The following NRG1 variants were observed in gnomAD, a reference collection of about 807,000 sequenced individuals.
The protein encoded by NRG1 is pro-neuregulin-1, membrane-bound isoform.
NRG1 carries 18 observed loss-of-function variants against 63.8 expected under a neutral mutation model. That is an observed-to-expected ratio of 0.28 (90% CI 0.19 to 0.42). The LOEUF is 0.42. Ranked by LOEUF, NRG1 falls within the 10% of genes least tolerant of loss-of-function variation. The pLI, the probability that NRG1 is intolerant of heterozygous loss-of-function variation, is 1.00. For synonymous variants in NRG1, 302 were observed against 301.3 expected, an observed-to-expected ratio of 1.00 and a Z score of -0.02; for missense variants, 762 against 814.7, an observed-to-expected ratio of 0.94 and a Z score of 0.79.
rs183930387 is a variant in NRG1 at position 32,615,007 on chromosome 8, A to G, written c.451+443A>G. ...GTGGATCGCTAAACTTAACAAAACA[A>G]AACAGAACAGAACAGAACAAAACAA... On this transcript the variant is annotated intron_variant, in intron 4 of 11. Coordinates refer to ENST00000356819, the Ensembl canonical transcript of NRG1. Among the ~76,000 whole-genome samples, 210 of 148,786 alleles carry G rather than the reference A, an allele frequency of 1.4e-3. 1 individual carries two copies. Among genetic ancestry groups the G allele is most frequent in the African/African-American group, 5.0e-3 (199 of 39,918 alleles).
chr8:31,884,025 T>G (rs1830543882), intron 1 of NRG1, among the ~76,000 whole-genome samples: 1 of 152,090 alleles, frequency 6.6e-6, no homozygotes, highest in South Asian at 2.1e-4. Flanking sequence ...AGTTGATCAG[T>G]AAATGTTTTG....
At chr8:32,093,011 T>A (rs1418122351) in intron 1 of NRG1, among the ~76,000 whole-genome samples, 1 of 152,164 alleles carries the variant, frequency 6.6e-6, no homozygotes, top group Non-Finnish European at 1.5e-5. Context: ...CAGGAATCTG[T>A]TTAACAAAAG....
chr8:32,702,917 C>T (rs1468516394), intron 5 of NRG1, among the ~76,000 whole-genome samples: 2 of 151,972 alleles, frequency 1.3e-5, no homozygotes, highest in Non-Finnish European at 2.9e-5. Context: ...TTCACTCTTC[C>T]TTCTCTCTAA....
chr8:32,766,969 G>A (rs1831479415), exon 12 of NRG1: 1 of 152,186 alleles, frequency 6.6e-6, no homozygotes, highest in Admixed American at 6.5e-5. Flanking sequence ...CATATGGAAA[G>A]CTATCTTAGG....
At chr8:32,572,127 A>G (rs1838718452) in intron 1 of NRG1, among the ~76,000 whole-genome samples, 1 of 151,798 alleles carries the variant, frequency 6.6e-6, no homozygotes, top group Admixed American at 6.6e-5. Flanking sequence ...TATTATTCTC[A>G]TTTCCTGTTT....
At chr8:32,559,083 G>GAAAAAAAAA (rs35947086) in intron 1 of NRG1, among the ~76,000 whole-genome samples, 1 of 86,802 alleles carries the variant, frequency 1.2e-5, no homozygotes. Flanking sequence ...TTGTCTCAGC[G>GAAAAAAAAA]AAAAAAAAAA....
chr8:31,726,411 T>A (rs1273550386), intron 1 of NRG1, among the ~76,000 whole-genome samples: 1 of 152,160 alleles, frequency 6.6e-6, no homozygotes, highest in African/African-American at 2.4e-5. Context: ...GCTCTTTTAA[T>A]AGTAATAAAA....
At chr8:32,236,077 A>G (rs1055697903) in intron 1 of NRG1, among the ~76,000 whole-genome samples, 3 of 152,090 alleles carry the variant, frequency 2.0e-5, no homozygotes, top group African/African-American at 7.2e-5. Context: ...GTCTACTATC[A>G]GAATCCTGTT....
At chr8:31,712,255 C>CTTTTTGTTTTTT (rs1811841828) in intron 1 of NRG1, among the ~76,000 whole-genome samples, 1 of 72,354 alleles carries the variant, frequency 1.4e-5, no homozygotes, top group Non-Finnish European at 2.5e-5. Context: ...TCTTCATGAT[C>CTTTTTGTTTTTT]TTTTTTTTTT....
intron 1 of NRG1, among the ~76,000 whole-genome samples, chr8:31,680,710 C>A (rs1053133957): frequency 3.7e-4 from 56 of 151,990 alleles, no homozygotes; most frequent in African/African-American, 9.4e-4. Flanking sequence ...CCTGAGGAAT[C>A]GCCACACTGA....
At chr8:32,530,678 C>T (rs561177883) in intron 1 of NRG1, among the ~76,000 whole-genome samples, 17 of 152,192 alleles carry the variant, frequency 1.1e-4, no homozygotes, top group Admixed American at 8.5e-4. Flanking sequence ...ACAAATAATA[C>T]TTTGTATTAA....
intron 1 of NRG1, among the ~76,000 whole-genome samples, chr8:32,141,557 TTATA>T (rs1331260241): frequency 7.2e-6 from 1 of 138,356 alleles, no homozygotes; most frequent in Non-Finnish European, 1.5e-5. Flanking sequence ...TATATATACT[TTATA>T]TATGTATATA....
At chr8:31,900,403 A>G (rs1396722796) in intron 1 of NRG1, among the ~76,000 whole-genome samples, 1 of 152,226 alleles carries the variant, frequency 6.6e-6, no homozygotes, top group African/African-American at 2.4e-5. Flanking sequence ...GCACTTTATT[A>G]TAAGATAAGG....
intron 1 of NRG1, among the ~76,000 whole-genome samples, chr8:31,757,259 G>A (rs895518099): frequency 6.6e-6 from 1 of 152,044 alleles, no homozygotes; most frequent in African/African-American, 2.4e-5. Context: ...TGTTGCTTAA[G>A]TTTTTGGTTG....
Position 31,640,817 on chromosome 8 carries a change from G to C in NRG1, c.37+1386G>C, listed in dbSNP as rs889463310. 11 of 1,428,308 alleles carry C rather than the reference G, an allele frequency of 7.7e-6. No homozygotes were observed. The highest frequency in any genetic ancestry group is 1.0e-5 in the Non-Finnish European group (11 of 1,093,110). The allele number at this position is 1,428,308 out of a possible 1,614,324, so 88.5% of individuals were successfully genotyped here. Reference sequence around the variant, plus strand: ...GCAGCGGGGCTCGACGGCCGCCCGAGCAAGGCAGAGGCGCTCTGGGTCCCA... The same window carrying C: ...GCAGCGGGGCTCGACGGCCGCCCGACCAAGGCAGAGGCGCTCTGGGTCCCA... On this transcript the variant is annotated intron_variant, in intron 1 of 10. Coordinates refer to the NRG1 transcript ENST00000519301. This position sits in a 1 kb window ranked among gnomAD's most constrained non-coding sequence, Gnocchi z 6.3.
intron 1 of NRG1, among the ~76,000 whole-genome samples, chr8:31,967,854 A>G (rs909768152): frequency 1.3e-5 from 2 of 152,220 alleles, no homozygotes; most frequent in East Asian, 3.9e-4. Flanking sequence ...CCATGGTACT[A>G]AAGTACCGTC....
intron 5 of NRG1, among the ~76,000 whole-genome samples, chr8:32,667,986 G>T (rs1804654122): frequency 6.6e-6 from 1 of 152,118 alleles, no homozygotes; most frequent in South Asian, 2.1e-4. Flanking sequence ...GCCGAGGCAA[G>T]CGGATCACCT....
At chr8:31,652,956 TC>T (rs1805009170) in intron 1 of NRG1, among the ~76,000 whole-genome samples, 1 of 2,652 alleles carries the variant, frequency 3.8e-4, no homozygotes, top group Non-Finnish European at 8.9e-4. Flanking sequence ...TCCTCTCTTC[TC>T]TCCTCTCCTC....
At position 32,603,778 on chromosome 8, in the gene NRG1, A is replaced by G. The variant is rs373584564; in HGVS notation, c.279-1784A>G. Reference sequence around the variant, plus strand: ...GCGTGAGCCACTGCTCCCAGCCGTGAAGTTAACTTTTCAACCCCTATGTTG... The same window carrying G: ...GCGTGAGCCACTGCTCCCAGCCGTGGAGTTAACTTTTCAACCCCTATGTTG... On this transcript the variant is annotated intron_variant, in intron 2 of 11. Transcript: ENST00000356819. Among the ~76,000 whole-genome samples the G allele has an allele frequency of 2.0e-4, 30 of 152,216 alleles. No individual in the cohort carries two copies. In the East Asian group the frequency reaches 5.6e-3, roughly 28 times the overall value.
Sources: gnomAD v4.1 joint callset for allele counts (sites outside exome capture counted in the v4.1 genomes callset) on GRCh38, gnomAD v4.1.1 for gene constraint, Gnocchi (gnomAD v3.1) non-coding constraint, MANE v1.5 for transcripts, NCBI Gene and HGNC (gene_info 2026-07-23, HGNC 2026-07-21) for gene names.